The following PTPRK variants were observed in gnomAD, a reference collection of about 807,000 sequenced individuals.
PTPRK encodes the protein receptor-type tyrosine-protein phosphatase kappa.
A neutral mutation model predicts 178.0 loss-of-function variants in PTPRK; 75 were observed. That is an observed-to-expected ratio of 0.42 (90% confidence interval 0.35 to 0.51). PTPRK has a LOEUF of 0.51. PTPRK is among the 20% of genes least tolerant of loss of function. PTPRK has a pLI of 0.02. For missense variants in PTPRK, 1,441 were observed against 1,797.8 expected (o/e 0.80, Z 3.59); for synonymous variants, 637 against 620.6 (o/e 1.03, Z -0.39).
At chr6:128,371,815 G>A (rs888662618) in intron 2 of PTPRK, among the ~76,000 whole-genome samples, 1 of 151,942 alleles carries the variant, frequency 6.6e-6, no homozygotes, top group Non-Finnish European at 1.5e-5. Flanking sequence ...GGTCGAGGCT[G>A]CAGTGATCCG....
At chr6:128,229,872 A>G (rs1238299731) in intron 5 of PTPRK, among the ~76,000 whole-genome samples, 1 of 152,182 alleles carries the variant, frequency 6.6e-6, no homozygotes, top group East Asian at 1.9e-4. Flanking sequence ...TGGAGCATGT[A>G]TTTTCCCTTT....
chr6:128,214,755 T>C (rs1184487515), intron 6 of PTPRK, among the ~76,000 whole-genome samples: 2 of 152,124 alleles, frequency 1.3e-5, no homozygotes, highest in African/African-American at 4.8e-5. Context: ...CAACAAATCC[T>C]GAAGCCTATC....
chr6:128,057,567 A>G (rs1013371090), intron 13 of PTPRK, among the ~76,000 whole-genome samples: 2 of 152,222 alleles, frequency 1.3e-5, no homozygotes, highest in African/African-American at 4.8e-5. Flanking sequence ...AGCATTTCAC[A>G]TGTGCTGTCC....
At chr6:128,513,493 A>AAAAAG (rs796327188) in intron 1 of PTPRK, among the ~76,000 whole-genome samples, 212 of 150,318 alleles carry the variant, frequency 1.4e-3, no homozygotes, top group African/African-American at 4.9e-3. Flanking sequence ...CAAAAAAAAA[A>AAAAAG]AAAGAAAGAA....
intron 1 of PTPRK, among the ~76,000 whole-genome samples, chr6:128,488,511 G>C (rs1853295065): frequency 6.6e-6 from 1 of 152,150 alleles, no homozygotes; most frequent in African/African-American, 2.4e-5. Context: ...TAGATACTGG[G>C]CATCCACAAG....
intron 3 of PTPRK, among the ~76,000 whole-genome samples, chr6:128,276,026 A>G (rs568996593): frequency 6.3e-4 from 95 of 151,792 alleles, no homozygotes; most frequent in Non-Finnish European, 8.7e-4. Flanking sequence ...TGTAAACTTT[A>G]AAAAAAATTT....
chr6:128,517,469 T>C (rs548984856), intron 1 of PTPRK, among the ~76,000 whole-genome samples: 2 of 152,320 alleles, frequency 1.3e-5, no homozygotes, highest in East Asian at 3.9e-4. Context: ...TATTCTTCTA[T>C]GCCTCGGTTT....
chr6:128,139,549 T>A (rs572897718), intron 7 of PTPRK, among the ~76,000 whole-genome samples: 1 of 152,096 alleles, frequency 6.6e-6, no homozygotes, highest in Non-Finnish European at 1.5e-5. Context: ...GTCTTTTGAA[T>A]GATCAGAGTT....
intron 21 of PTPRK, among the ~76,000 whole-genome samples, chr6:127,989,844 C>G (rs1215761325): frequency 6.6e-6 from 1 of 150,550 alleles, no homozygotes; most frequent in African/African-American, 2.4e-5. Flanking sequence ...CTGGTATTAA[C>G]ATTATAAATT....
chr6:128,334,880 G>A (rs181046476), intron 2 of PTPRK, among the ~76,000 whole-genome samples: 2 of 152,256 alleles, frequency 1.3e-5, no homozygotes, highest in African/African-American at 4.8e-5. Flanking sequence ...ACGAGGTCAG[G>A]AGTTCAAGAC....
intron 1 of PTPRK, among the ~76,000 whole-genome samples, chr6:128,468,701 C>T (rs1476334157): frequency 1.4e-4 from 21 of 152,084 alleles, no homozygotes; most frequent in Admixed American, 1.4e-3. Context: ...CATGTCCACC[C>T]ACCCAAGAAG....
chr6:128,093,623 A>AC (rs1443757180), intron 7 of PTPRK, among the ~76,000 whole-genome samples: 10 of 128,096 alleles, frequency 7.8e-5, no homozygotes, highest in African/African-American at 2.6e-4. Flanking sequence ...AAAAAAAAAA[A>AC]CGAAAAAACA....
chr6:128,398,149 A>G (rs1308448860), intron 1 of PTPRK, among the ~76,000 whole-genome samples: 1 of 152,198 alleles, frequency 6.6e-6, no homozygotes, highest in East Asian at 1.9e-4. Context: ...CGCGAGCAGC[A>G]GCTCAAGGGA....
At chr6:128,370,274 T>C (rs1049467790) in intron 2 of PTPRK, among the ~76,000 whole-genome samples, 5 of 152,140 alleles carry the variant, frequency 3.3e-5, no homozygotes, top group African/African-American at 9.6e-5. Context: ...ATCCCTGTTA[T>C]TGATGTAGCT....
At chr6:128,481,213 T>G (rs1026037941) in intron 1 of PTPRK, among the ~76,000 whole-genome samples, 1 of 152,152 alleles carries the variant, frequency 6.6e-6, no homozygotes, top group Non-Finnish European at 1.5e-5. Context: ...CATTCATACA[T>G]AGTCTTTAAT....
At position 128,391,086 on chromosome 6, in the gene PTPRK, T is replaced by C. The variant is rs17055817; in HGVS notation, c.223+6480A>G. On this transcript the variant is annotated intron_variant, in intron 2 of 29. Transcript: ENST00000368226. ...TTCCAGGACCATTCATTCCTTGTCATTGATTTTAAATATTAAAGTGATAGA... is the reference window on the plus strand; with the variant it reads ...TTCCAGGACCATTCATTCCTTGTCACTGATTTTAAATATTAAAGTGATAGA... 9.2e-3 allele frequency among the ~76,000 whole-genome samples: 1,393 copies of C among 151,126 alleles called. 16 individuals are homozygous for C. Among genetic ancestry groups the C allele is most frequent in the African/African-American group, 0.032 (1,318 of 41,304 alleles).
At chr6:128,221,971 C>A (rs1318097199) in intron 5 of PTPRK, among the ~76,000 whole-genome samples, 1 of 152,140 alleles carries the variant, frequency 6.6e-6, no homozygotes, top group East Asian at 1.9e-4. Flanking sequence ...GGAAGGCCCA[C>A]CACGCTGCTT....
At chr6:128,387,654 G>GT (rs1838939806) in intron 2 of PTPRK, among the ~76,000 whole-genome samples, 1 of 151,936 alleles carries the variant, frequency 6.6e-6, no homozygotes, top group African/African-American at 2.4e-5. Context: ...CGTTTTGGAG[G>GT]TTTTTTTAAA....
chr6:128,463,741 GTTTTTTTTTTTT>G (rs896710320), intron 1 of PTPRK, among the ~76,000 whole-genome samples: 12 of 96,864 alleles, frequency 1.2e-4, no homozygotes, highest in Non-Finnish European at 2.1e-4. Flanking sequence ...AATCTTCACG[GTTTTTTTTTTTT>G]TTTTTTTTTT....
Sources: allele counts gnomAD v4.1 joint callset (sites outside exome capture counted in the v4.1 genomes callset), GRCh38; gene constraint gnomAD v4.1.1; transcripts MANE v1.5; gene names NCBI Gene and HGNC (gene_info 2026-07-23, HGNC 2026-07-21).